RAB37: variants seen among roughly 807,000 people sequenced by gnomAD.
RAB37 encodes ras-related protein Rab-37.
A neutral mutation model predicts 33.1 loss-of-function variants in RAB37; 29 were observed. The observed-to-expected ratio is 0.88, with a 90% CI of 0.65 to 1.20. The LOEUF (loss-of-function observed/expected upper bound fraction) is 1.20. Ranked by LOEUF, RAB37 falls within the 50% of genes most tolerant of loss-of-function variation. The pLI is 0.00. For missense variants in RAB37, 299 were observed against 301.1 expected (o/e 0.99, Z 0.05); for synonymous variants, 128 against 119.5 (o/e 1.07, Z -0.47).
intron 1 of RAB37, chr17:74,712,986 C>A: frequency 1.9e-6 from 2 of 1,029,952 alleles, no homozygotes; most frequent in Non-Finnish European, 2.9e-6. Flanking sequence ...TCAGTCACTT[C>A]CCATGGGTGA....
chr17:74,745,330 T>A lies in RAB37; in HGVS notation c.591T>A (p.His197Gln), dbSNP rs1567817566. Residue 197 changes from histidine to glutamine, a missense_variant, in exon 9 of 9, where the codon CAT becomes CAA. Coordinates refer to ENST00000392613, the MANE Select transcript of RAB37 (RefSeq NM_001006638.3). The surrounding 1 kb of genome is among the most constrained non-coding windows in gnomAD (Gnocchi z 4.5). The stretch of plus-strand genomic sequence containing the variant: ...GGGAACTGAAATACCGGGCCGGGCA[T>A]CAGGCGGATGAGCCCAGCTTCCAGA... ...IAKELKYRAG[H>Q]QADEPSFQIR... 4.3e-6 allele frequency: 7 copies of A among 1,613,484 alleles called. No individual in the cohort carries two copies. Among genetic ancestry groups the A allele is most frequent in the Non-Finnish European group, 5.9e-6 (7 of 1,179,658 alleles).
chr17:74,710,761 G>A (rs764671472), intron 1 of RAB37, among the ~76,000 whole-genome samples: 2 of 151,988 alleles, frequency 1.3e-5, no homozygotes, highest in Admixed American at 1.3e-4. Context: ...CAGCTACTTG[G>A]GAGGCTGAGG....
intron 1 of RAB37, among the ~76,000 whole-genome samples, chr17:74,675,076 A>G (rs992557856): frequency 2.0e-5 from 3 of 152,188 alleles, no homozygotes; most frequent in Admixed American, 6.5e-5. Flanking sequence ...CTGCCTTATT[A>G]TTTTTGAGCA....
At chr17:74,715,954 C>A (rs1055770388) in intron 1 of RAB37, among the ~76,000 whole-genome samples, 3 of 152,110 alleles carry the variant, frequency 2.0e-5, no homozygotes, top group Admixed American at 6.5e-5. Flanking sequence ...TGCTTGAACC[C>A]GGGAGGCAGA....
rs1311894793 is a variant in RAB37 at position 74,698,493 on chromosome 17, G to A, written c.72+26835G>A. 6 of 1,608,730 alleles carry A rather than the reference G, an allele frequency of 3.7e-6. No individual in the cohort carries two copies. The African/African-American group carries it at 6.7e-5, about 18-fold the overall frequency. ...TCAGGAGCTTGTGCCTAGAAACAATGGCAAGCGTCCCCTGCATCCCAGGCT... is the reference window on the plus strand; with the variant it reads ...TCAGGAGCTTGTGCCTAGAAACAATAGCAAGCGTCCCCTGCATCCCAGGCT... On this transcript the variant is annotated intron_variant, in intron 1 of 7. Transcript: ENST00000340415.
intron 2 of RAB37, among the ~76,000 whole-genome samples, chr17:74,741,620 GT>G (rs1213722800): frequency 2.7e-5 from 4 of 149,328 alleles, no homozygotes; most frequent in Non-Finnish European, 4.4e-5. Flanking sequence ...GGCTGGCCAT[GT>G]TGGGAGACAG....
At chr17:74,675,169 C>T (rs1305277996) in intron 1 of RAB37, among the ~76,000 whole-genome samples, 1 of 151,996 alleles carries the variant, frequency 6.6e-6, no homozygotes, top group Non-Finnish European at 1.5e-5. Context: ...GTTGTATTGG[C>T]TGGGCGCAGT....
At chr17:74,717,819 A>C (rs1374472732) in intron 1 of RAB37, among the ~76,000 whole-genome samples, 1 of 150,626 alleles carries the variant, frequency 6.6e-6, no homozygotes, top group African/African-American at 2.4e-5. Flanking sequence ...AAAAAAAAAA[A>C]AAAAAAAACA....
At chr17:74,706,315 A>G (rs2033509395) in intron 1 of RAB37, among the ~76,000 whole-genome samples, 2 of 149,912 alleles carry the variant, frequency 1.3e-5, no homozygotes. Flanking sequence ...AAGTGCTGCG[A>G]TTATAGGTGT....
At chr17:74,736,505 C>T, upstream of RAB37, 1 of 1,417,602 alleles carries the variant, frequency 7.1e-7, no homozygotes, top group Non-Finnish European at 9.2e-7. Flanking sequence ...TTGGCTCCTC[C>T]TCGGGGCCAG....
chr17:74,712,605 G>A (rs2034051610), intron 1 of RAB37, among the ~76,000 whole-genome samples: 2 of 152,214 alleles, frequency 1.3e-5, no homozygotes, highest in South Asian at 4.1e-4. Flanking sequence ...CAGCCCCTGG[G>A]GGTCAGGAAT....
chr17:74,714,234 T>A (rs1427433104), intron 1 of RAB37, among the ~76,000 whole-genome samples: 5 of 151,594 alleles, frequency 3.3e-5, no homozygotes, highest in Non-Finnish European at 7.4e-5. Flanking sequence ...ATAATAATAA[T>A]AATTAGTTCT....
chr17:74,708,802 G>A (rs2033728107), intron 1 of RAB37, among the ~76,000 whole-genome samples: 1 of 151,754 alleles, frequency 6.6e-6, no homozygotes, highest in Non-Finnish European at 1.5e-5. Flanking sequence ...TGTAGTCCCA[G>A]CTACTCGGAG....
intron 1 of RAB37, among the ~76,000 whole-genome samples, chr17:74,684,140 C>T (rs2032008073): frequency 6.6e-6 from 1 of 152,138 alleles, no homozygotes; most frequent in Non-Finnish European, 1.5e-5. Flanking sequence ...CCCTGGACTG[C>T]AGTGGCATGC....
upstream of RAB37, among the ~76,000 whole-genome samples, chr17:74,732,409 G>A (rs1227376090): frequency 3.3e-5 from 5 of 152,214 alleles, no homozygotes; most frequent in South Asian, 2.1e-4. Flanking sequence ...CAGCTCTGAA[G>A]TTTTCTGCCA....
rs1197439575 is a variant in RAB37 at position 74,676,069 on chromosome 17, G to C, written c.72+4411G>C. On this transcript the variant is annotated intron_variant, in intron 1 of 7. Transcript: ENST00000340415. This position sits in a 1 kb window ranked among gnomAD's most constrained non-coding sequence, Gnocchi z 4.1. ...GAGCCATCCAGGGCAATGGTCTGGG[G>C]TAGGGGTTCAGGAACAGCCCACGGA... 3.9e-5 allele frequency among the ~76,000 whole-genome samples: 6 copies of C among 152,136 alleles called. No individual in the cohort carries two copies. The highest frequency in any genetic ancestry group is 7.3e-5 in the Non-Finnish European group (5 of 68,036).
intron 1 of RAB37, among the ~76,000 whole-genome samples, chr17:74,699,062 G>T (rs2032790524): frequency 1.3e-5 from 2 of 151,916 alleles, no homozygotes; most frequent in Admixed American, 1.3e-4. Context: ...GGGATTACAG[G>T]CACCCACCAC....
intron 5 of RAB37, 129 bp downstream of exon 5, chr17:74,743,469 A>T: frequency 1.1e-6 from 1 of 896,956 alleles, no homozygotes; most frequent in South Asian, 1.4e-5. Context: ...AAAAACACCT[A>T]CTTGTGACTC....
chr17:74,692,819 C>T (rs1436337780), intron 1 of RAB37, among the ~76,000 whole-genome samples: 1 of 152,292 alleles, frequency 6.6e-6, no homozygotes, highest in East Asian at 1.9e-4. Flanking sequence ...CCAGGACTGC[C>T]CTGCCAGAAT....
Sources: allele counts gnomAD v4.1 joint callset (sites outside exome capture counted in the v4.1 genomes callset), GRCh38; gene constraint gnomAD v4.1.1; non-coding constraint Gnocchi (gnomAD v3.1); transcripts MANE v1.5; gene names NCBI Gene and HGNC (gene_info 2026-07-23, HGNC 2026-07-21).